Variants in OAF observed in about 807,000 individuals in gnomAD.
OAF encodes the protein out at first homolog.
In OAF, 13 loss-of-function variants were observed where a neutral mutation model predicts 22.5. That is an observed-to-expected ratio of 0.58 (90% CI 0.38 to 0.92). The LOEUF is 0.92. Among genes scored for constraint, OAF ranks in the 40% least tolerant of loss-of-function variants. The pLI, the probability that OAF is intolerant of heterozygous loss-of-function variation, is 0.00. For synonymous variants in OAF, 175 were observed against 170.5 expected (o/e 1.03, Z -0.21); for missense variants, 347 against 381.8 (o/e 0.91, Z 0.76).
chr11:120,218,626 C>T (rs941799709), intron 1 of OAF, among the ~76,000 whole-genome samples: 8 of 152,212 alleles, frequency 5.3e-5, no homozygotes, highest in African/African-American at 1.9e-4. Flanking sequence ...CAGGAGAGAG[C>T]GCCAGCTGTC....
At chr11:120,223,597 A>G (rs1938309559) in intron 1 of OAF, among the ~76,000 whole-genome samples, 1 of 152,250 alleles carries the variant, frequency 6.6e-6, no homozygotes. Flanking sequence ...TTATTAATAT[A>G]GAAGCAGGAA....
In OAF at chr11:120,224,615, TG is replaced by T. The variant is rs929833342; in HGVS notation, c.232-1040del. Among the ~76,000 whole-genome samples, 52 of 152,076 alleles carry T rather than the reference TG, an allele frequency of 3.4e-4. No individual in the cohort carries two copies. In the Middle Eastern group the frequency reaches 0.01, roughly 30 times the overall value. The stretch of plus-strand genomic sequence containing the variant: ...CAGCAAGTACTCAGTGACTGTGTGG[TG>T]GGGGGAGCTGGGGCCCGGGCATTAA... On this transcript the variant is annotated intron_variant, in intron 1 of 3. Coordinates refer to ENST00000328965, the MANE Select transcript of OAF (RefSeq NM_178507.4).
chr11:120,214,081 T>C (rs919527707), intron 1 of OAF: 2 of 151,902 alleles, frequency 1.3e-5, no homozygotes, highest in African/African-American at 4.8e-5. Flanking sequence ...TGTACCAAAC[T>C]CATTTGCAGT....
At chr11:120,219,859 G>A (rs1372459961) in intron 1 of OAF, among the ~76,000 whole-genome samples, 1 of 152,216 alleles carries the variant, frequency 6.6e-6, no homozygotes, top group Non-Finnish European at 1.5e-5. Context: ...AATAGCAGCT[G>A]TAGCACTATC....
At chr11:120,223,946 G>A (rs916821137) in intron 1 of OAF, among the ~76,000 whole-genome samples, 3 of 152,218 alleles carry the variant, frequency 2.0e-5, no homozygotes, top group Non-Finnish European at 4.4e-5. Flanking sequence ...ATATGCTACA[G>A]GCAGAGCAGC....
rs114219413 is a variant in OAF at position 120,227,408 on chromosome 11, T to C, written c.547+412T>C. Among the ~76,000 whole-genome samples the C allele has an allele frequency of 5.7e-3, 874 of 152,248 alleles. 10 individuals carry two copies. Among genetic ancestry groups the C allele is most frequent in the African/African-American group, 0.019 (800 of 41,542 alleles). ...TGCTCCAGGCAGGGCACACAGACTC[T>C]GCTAGGCCCTGTGGAGGGAGATTCC... On this transcript the variant is annotated intron_variant, in intron 3 of 3. Transcript: ENST00000328965.
At chr11:120,225,601 G>C (rs570958195) in intron 1 of OAF, 60 bp from the exon 2 acceptor site, 1 of 1,468,520 alleles carries the variant, frequency 6.8e-7, no homozygotes, top group African/African-American at 1.5e-5. Context: ...TGAGCACCCG[G>C]TGGGCCAGTG....
chr11:120,226,914 C>T lies in OAF; in HGVS notation c.465C>T (p.Ser155=), dbSNP rs551785090. 3.1e-6 allele frequency: 5 copies of T among 1,612,614 alleles called. No individual in the cohort carries two copies. The highest frequency in any genetic ancestry group is 1.7e-4 in the Middle Eastern group (1 of 6,060). The change falls in exon 3 of 4, where the codon AGC becomes AGT. Residue 155 remains serine (S), a synonymous_variant. Coordinates refer to ENST00000328965, the MANE Select transcript of OAF (RefSeq NM_178507.4). ...ACTTCAGCCAGGGGGCCCTGCTGAG[C>T]CCCCATCTCCACAACGTGTGTGCCG... ...AVNFSQGALL[S]PHLHNVCAEA...
intron 1 of OAF, among the ~76,000 whole-genome samples, chr11:120,220,844 G>A (rs1352382481): frequency 6.6e-6 from 1 of 152,246 alleles, no homozygotes; most frequent in African/African-American, 2.4e-5. Context: ...TGGGATGCCA[G>A]GCTCTGGGGT....
intron 1 of OAF, among the ~76,000 whole-genome samples, chr11:120,214,527 C>T (rs1938186336): frequency 6.6e-6 from 1 of 152,200 alleles, no homozygotes; most frequent in Non-Finnish European, 1.5e-5. Flanking sequence ...GCCAAAATTG[C>T]TGGCCAGCCC....
chr11:120,218,400 C>T (rs1030180163), intron 1 of OAF, among the ~76,000 whole-genome samples: 3 of 152,188 alleles, frequency 2.0e-5, no homozygotes, highest in African/African-American at 7.2e-5. Context: ...GTGCTTCCAG[C>T]TTTGCCGTGG....
chr11:120,221,269 T>TG (rs1938277187), intron 1 of OAF, among the ~76,000 whole-genome samples: 1 of 152,230 alleles, frequency 6.6e-6, no homozygotes, highest in African/African-American at 2.4e-5. Flanking sequence ...GTGAAGGCCC[T>TG]GCCCCATGTC....
intron 1 of OAF, among the ~76,000 whole-genome samples, chr11:120,222,093 T>C (rs773392346): frequency 6.6e-6 from 1 of 151,864 alleles, no homozygotes; most frequent in Non-Finnish European, 1.5e-5. Flanking sequence ...CCTGTGAAGG[T>C]TGGAAGAAGA....
At chr11:120,212,814 A>G (rs1272191800) in intron 1 of OAF, among the ~76,000 whole-genome samples, 1 of 141,956 alleles carries the variant, frequency 7.0e-6, no homozygotes, top group Non-Finnish European at 1.5e-5. Flanking sequence ...GACATTGGAC[A>G]TAAGCAGGCA....
At chr11:120,223,047 G>A (rs1170162876) in intron 1 of OAF, among the ~76,000 whole-genome samples, 1 of 152,234 alleles carries the variant, frequency 6.6e-6, no homozygotes, top group African/African-American at 2.4e-5. Flanking sequence ...AGCCAGAGCC[G>A]CCACATTCGA....
At chr11:120,219,091 G>A (rs183050296) in intron 1 of OAF, among the ~76,000 whole-genome samples, 1 of 151,636 alleles carries the variant, frequency 6.6e-6, no homozygotes, top group Non-Finnish European at 1.5e-5. Flanking sequence ...CCCTGACGCT[G>A]GGCATGAGAT....
intron 1 of OAF, among the ~76,000 whole-genome samples, chr11:120,220,321 C>T (rs1259834539): frequency 6.6e-6 from 1 of 152,216 alleles, no homozygotes; most frequent in African/African-American, 2.4e-5. Context: ...TTGCCAGCCT[C>T]ATCAGCACTC....
rs753889048 is a variant in OAF at position 120,225,708 on chromosome 11, G to T, written c.279G>T (p.Gly93=). 1.2e-6 allele frequency: 2 copies of T among 1,605,678 alleles called. No homozygotes were observed. The highest frequency in any genetic ancestry group is 1.7e-5 in the Admixed American group (1 of 58,874). ...RALILGELEK[G]QSQFQALCFV... is the part of the protein sequence containing the mutation. ...TGATCCTGGGGGAGCTGGAGAAGGG[G>T]CAGAGTCAGTTCCAGGCCCTCTGCT... is the stretch of plus-strand genomic sequence containing the variant. The change falls in exon 2 of 4, where the codon GGG becomes GGT. Residue 93 remains glycine, a synonymous_variant. Coordinates refer to ENST00000328965, the MANE Select transcript of OAF (RefSeq NM_178507.4).
At chr11:120,216,566 C>T (rs1182998803) in intron 1 of OAF, among the ~76,000 whole-genome samples, 2 of 152,184 alleles carry the variant, frequency 1.3e-5, no homozygotes, top group Non-Finnish European at 1.5e-5. Context: ...CCCTCCTCTG[C>T]GTGTGAGGAA....
Sources: allele counts gnomAD v4.1 joint callset (sites outside exome capture counted in the v4.1 genomes callset), GRCh38; gene constraint gnomAD v4.1.1; transcripts MANE v1.5; gene names NCBI Gene and HGNC (gene_info 2026-07-23, HGNC 2026-07-21).